SCRG1: variants seen among roughly 807,000 people sequenced by gnomAD.
The protein encoded by SCRG1 is scrapie-responsive protein 1.
In SCRG1, 3 loss-of-function variants were observed where a neutral mutation model predicts 7.7. That is an observed-to-expected ratio of 0.39 (90% confidence interval 0.18 to 1.01). The LOEUF (loss-of-function observed/expected upper bound fraction) is 1.01, where lower values mean the gene tolerates loss of function less well. Ranked by LOEUF, SCRG1 falls within the 50% of genes least tolerant of loss-of-function variation. The pLI, the probability that SCRG1 is intolerant of heterozygous loss-of-function variation, is 0.36. For synonymous variants in SCRG1, 46 were observed against 41.2 expected (o/e 1.12, Z -0.44); for missense variants, 110 against 117.2 (o/e 0.94, Z 0.28).
the SCRG1 span, among the ~76,000 whole-genome samples, chr4:173,420,347 G>A: frequency 6.6e-6 from 1 of 152,226 alleles, no homozygotes; most frequent in African/African-American, 2.4e-5. Flanking sequence ...CTGAATTTAA[G>A]AGGGAAAGGG....
chr4:173,416,038 G>A, the SCRG1 span, among the ~76,000 whole-genome samples: 1 of 152,372 alleles, frequency 6.6e-6, no homozygotes, highest in East Asian at 1.9e-4. Flanking sequence ...GGTGTTTTGA[G>A]TACCTGGGAG....
chr4:173,448,562 A>G, the SCRG1 span, among the ~76,000 whole-genome samples: 1 of 152,242 alleles, frequency 6.6e-6, no homozygotes, highest in African/African-American at 2.4e-5. Flanking sequence ...GAAATACCGG[A>G]AAAGTTGTGT....
the SCRG1 span, among the ~76,000 whole-genome samples, chr4:173,516,068 T>C: frequency 6.6e-6 from 1 of 151,990 alleles, no homozygotes; most frequent in Non-Finnish European, 1.5e-5. Flanking sequence ...CCACTCCCTG[T>C]TCCATGCAAG....
chr4:173,386,301 AT>A lies in SCRG1; in HGVS notation c.*2039del, dbSNP rs11302799. On this transcript the variant is annotated 3_prime_UTR_variant, in exon 3 of 3. Coordinates refer to ENST00000296506, the MANE Select transcript of SCRG1 (RefSeq NM_007281.4). Reference sequence around the variant, plus strand: ...AGGCGCCTGCCACCACGCCCAGCTAATTTTTTTTTTTTTTTTTTTTGTATTT... The same window carrying A: ...AGGCGCCTGCCACCACGCCCAGCTAATTTTTTTTTTTTTTTTTTTGTATTT... 0.71 allele frequency: 82,767 copies of A among 116,990 alleles called. 28,285 individuals carry two copies. The highest frequency in any genetic ancestry group is 0.79 in the Middle Eastern group (186 of 234). The allele number at this position is 116,990 out of a possible 1,614,324, so 7.2% of individuals were successfully genotyped here.
the SCRG1 span, among the ~76,000 whole-genome samples, chr4:173,431,847 C>T: frequency 1.3e-5 from 2 of 152,206 alleles, no homozygotes; most frequent in Non-Finnish European, 2.9e-5. Context: ...GGTAATACAT[C>T]ACCATGCAAG....
Position 173,388,244 on chromosome 4 carries a change from T to C in SCRG1, c.*97A>G. 1.5e-6 allele frequency: 1 copy of C among 675,854 alleles called. No homozygotes were observed. The highest frequency in any genetic ancestry group is 2.9e-5 in the East Asian group (1 of 34,790). The allele number at this position is 675,854 out of a possible 1,614,324, so 41.9% of individuals were successfully genotyped here. ...AAGTAAGAATTTATAGAATCTATGC[T>C]CTATTGCACTATATAGAAACTAGAA... On this transcript the variant is annotated 3_prime_UTR_variant, in exon 3 of 3. Transcript: ENST00000296506.
chr4:173,452,379 G>A, the SCRG1 span, among the ~76,000 whole-genome samples: 3 of 152,130 alleles, frequency 2.0e-5, no homozygotes, highest in African/African-American at 7.2e-5. Context: ...AGGATGGGAG[G>A]GGTTGGTCTT....
chr4:173,459,844 G>C, the SCRG1 span, among the ~76,000 whole-genome samples: 1 of 152,104 alleles, frequency 6.6e-6, no homozygotes, highest in East Asian at 1.9e-4. Flanking sequence ...CAGCACAACA[G>C]GGTAACTATA....
upstream of SCRG1, chr4:173,403,357 C>A (rs1739812415): frequency 6.6e-6 from 1 of 152,162 alleles, no homozygotes. Flanking sequence ...AGATGGGCAA[C>A]CCTGGCTATA....
chr4:173,417,834 A>T, the SCRG1 span, among the ~76,000 whole-genome samples: 1 of 152,032 alleles, frequency 6.6e-6, no homozygotes, highest in South Asian at 2.1e-4. Context: ...ACAAAGTAAA[A>T]TTCAGAGACC....
At chr4:173,475,433 C>T in the SCRG1 span, among the ~76,000 whole-genome samples, 12 of 152,134 alleles carry the variant, frequency 7.9e-5, no homozygotes, top group South Asian at 4.2e-4. Flanking sequence ...CAAGAGCACC[C>T]CTGTTAAAAC....
At chr4:173,438,570 GATCA>G in the SCRG1 span, among the ~76,000 whole-genome samples, 775 of 152,074 alleles carry the variant, frequency 5.1e-3, 16 homozygotes, top group East Asian at 0.02. Flanking sequence ...GCAACATATT[GATCA>G]ATCAATGACT....
upstream of SCRG1, among the ~76,000 whole-genome samples, chr4:173,409,226 T>A (rs960204307): frequency 8.5e-5 from 13 of 152,150 alleles, no homozygotes; most frequent in African/African-American, 3.1e-4. Context: ...TGATTCTCCC[T>A]GAAGCAAGTC....
the SCRG1 span, among the ~76,000 whole-genome samples, chr4:173,464,839 C>A: frequency 6.6e-6 from 1 of 152,252 alleles, no homozygotes; most frequent in South Asian, 2.1e-4. Context: ...TAGAAACAAC[C>A]CAAATGTCCA....
chr4:173,484,670 A>C, the SCRG1 span, among the ~76,000 whole-genome samples: 1 of 53,082 alleles, frequency 1.9e-5, no homozygotes, highest in East Asian at 5.2e-4. Context: ...TATATATAAC[A>C]TGATGTATAA....
upstream of SCRG1, among the ~76,000 whole-genome samples, chr4:173,409,771 T>A (rs1740001441): frequency 6.6e-6 from 1 of 151,992 alleles, no homozygotes; most frequent in Admixed American, 6.6e-5. Flanking sequence ...GTATTTTTAG[T>A]AGAGACAGGG....
chr4:173,399,202 G>T (rs1739686684), upstream of SCRG1: 2 of 152,222 alleles, frequency 1.3e-5, no homozygotes, highest in African/African-American at 4.8e-5. Context: ...TGTCTGCCTT[G>T]TCTCTGGCCT....
chr4:173,397,845 T>G (rs1271562177), intron 1 of SCRG1, among the ~76,000 whole-genome samples: 2 of 152,082 alleles, frequency 1.3e-5, no homozygotes, highest in Non-Finnish European at 2.9e-5. Context: ...TGAAACAGAG[T>G]TGATGAATTA....
the SCRG1 span, among the ~76,000 whole-genome samples, chr4:173,482,852 T>C: frequency 1.3e-4 from 19 of 144,346 alleles, no homozygotes; most frequent in African/African-American, 4.1e-4. Context: ...ACACACACTA[T>C]ATTATATATT....
Sources: allele counts gnomAD v4.1 joint callset (sites outside exome capture counted in the v4.1 genomes callset), GRCh38; gene constraint gnomAD v4.1.1; transcripts MANE v1.5; gene names NCBI Gene and HGNC (gene_info 2026-07-23, HGNC 2026-07-21).